MAP2: variants seen among roughly 807,000 people sequenced by gnomAD.
MAP2 encodes the protein microtubule associated protein 2, also known as microtubule-associated protein 2.
A neutral mutation model predicts 137.6 loss-of-function variants in MAP2; 14 were observed. That is an observed-to-expected ratio of 0.10 (90% confidence interval 0.07 to 0.16). The LOEUF is 0.16. Among genes scored for constraint, MAP2 ranks in the 10% least tolerant of loss-of-function variants. MAP2 has a pLI of 1.00. For missense variants in MAP2, 2,088 were observed against 2,191.5 expected (o/e 0.95, Z 0.94); for synonymous variants, 786 against 782.3 (o/e 1.00, Z -0.08).
chr2:209,527,538 C>G (rs1267027313), intron 2 of MAP2, among the ~76,000 whole-genome samples: 2 of 152,164 alleles, frequency 1.3e-5, no homozygotes, highest in Non-Finnish European at 2.9e-5. Flanking sequence ...TCCCATCCCA[C>G]TAGCAGCTTT....
At chr2:209,727,730 A>G (rs1436174775) in intron 14 of MAP2, among the ~76,000 whole-genome samples, 2 of 152,216 alleles carry the variant, frequency 1.3e-5, no homozygotes, top group South Asian at 2.1e-4. Context: ...CTTGACAAAG[A>G]TAATAGTCTT....
intron 11 of MAP2, among the ~76,000 whole-genome samples, chr2:209,701,902 G>T (rs1045176678): frequency 6.6e-6 from 1 of 152,004 alleles, no homozygotes; most frequent in African/African-American, 2.4e-5. Flanking sequence ...ACATCTATTA[G>T]TTATATGATC....
intron 7 of MAP2, among the ~76,000 whole-genome samples, chr2:209,686,554 T>C (rs1236042977): frequency 2.0e-5 from 3 of 152,174 alleles, no homozygotes; most frequent in Non-Finnish European, 2.9e-5. Context: ...TATCTCAATA[T>C]AAGTAAATAA....
intron 3 of MAP2, among the ~76,000 whole-genome samples, chr2:209,615,785 G>A (rs554305947): frequency 6.6e-5 from 10 of 152,228 alleles, no homozygotes; most frequent in East Asian, 5.8e-4. Flanking sequence ...TGTTTAGTGC[G>A]CTTTCCTCTG....
intron 4 of MAP2, among the ~76,000 whole-genome samples, chr2:209,640,424 A>G (rs1660111039): frequency 6.6e-6 from 1 of 152,132 alleles, no homozygotes; most frequent in Non-Finnish European, 1.5e-5. Context: ...CTTAGTAGTC[A>G]TACATTCCAG....
chr2:209,646,300 G>A (rs1039906980), intron 4 of MAP2, among the ~76,000 whole-genome samples: 3 of 151,716 alleles, frequency 2.0e-5, no homozygotes, highest in African/African-American at 2.4e-5. Flanking sequence ...TTTTTTGCAC[G>A]AGGCAATCAC....
chr2:209,537,615 C>T (rs1285361443), intron 2 of MAP2, among the ~76,000 whole-genome samples: 1 of 152,130 alleles, frequency 6.6e-6, no homozygotes, highest in Non-Finnish European at 1.5e-5. Context: ...TGTATTACAG[C>T]CTTCATCATC....
At chr2:209,659,520 G>C (rs1398590597) in intron 5 of MAP2, among the ~76,000 whole-genome samples, 3 of 152,096 alleles carry the variant, frequency 2.0e-5, no homozygotes, top group Admixed American at 2.0e-4. Context: ...TCGATTACAG[G>C]CAAAGCAGAC....
At chr2:209,729,767 A>T (rs2075398769) in intron 14 of MAP2, 83 bp from the exon 15 acceptor site, 2 of 820,466 alleles carry the variant, frequency 2.4e-6, no homozygotes, top group Non-Finnish European at 4.1e-6. Flanking sequence ...GGTTTGCCGT[A>T]GTCTATCTAC....
intron 12 of MAP2, 49 bp from the exon 13 acceptor site, chr2:209,709,862 TGAG>T: frequency 7.6e-7 from 1 of 1,316,138 alleles, no homozygotes; most frequent in South Asian, 1.3e-5. Flanking sequence ...AGGGATGTTT[TGAG>T]GAGAATTGTC....
At chr2:209,563,350 T>A (rs1230328110) in intron 2 of MAP2, among the ~76,000 whole-genome samples, 1 of 151,968 alleles carries the variant, frequency 6.6e-6, no homozygotes, top group East Asian at 1.9e-4. Context: ...GTTTTTGTCA[T>A]TAAAAGTAAC....
Position 209,694,661 on chromosome 2 carries a change from A to C in MAP2, c.2491A>C (p.Arg831=). ...SVSADAEVAR[R]KSVPSETVVE... ...GAGTGCAGATGCTGAGGTTGCCAGG[A>C]GGAAATCAGTCCCATCAGAGACTGT... Residue 831 remains arginine, a synonymous_variant, in exon 8 of 16, where the codon AGG becomes CGG. Coordinates refer to ENST00000682079, the MANE Select transcript of MAP2 (RefSeq NM_001375505.1). 1 of 1,614,148 alleles carries C rather than the reference A, an allele frequency of 6.2e-7. No homozygotes were observed.
At chr2:209,507,914 G>A (rs2061267237) in intron 2 of MAP2, among the ~76,000 whole-genome samples, 2 of 151,826 alleles carry the variant, frequency 1.3e-5, no homozygotes, top group South Asian at 2.1e-4. Flanking sequence ...AATCCAACTC[G>A]AATTCATTTG....
intron 3 of MAP2, among the ~76,000 whole-genome samples, chr2:209,586,248 A>G (rs1485153107): frequency 6.6e-6 from 1 of 152,124 alleles, no homozygotes; most frequent in Non-Finnish European, 1.5e-5. Flanking sequence ...AGGGGCAGGT[A>G]GAGAGGGGTG....
chr2:209,645,425 T>C (rs1266258384), intron 4 of MAP2, among the ~76,000 whole-genome samples: 3 of 151,964 alleles, frequency 2.0e-5, no homozygotes. Flanking sequence ...TAAAAAGTAT[T>C]CCAAGGAAGA....
intron 3 of MAP2, among the ~76,000 whole-genome samples, chr2:209,600,656 T>C (rs1389042292): frequency 6.6e-6 from 1 of 152,184 alleles, no homozygotes; most frequent in Non-Finnish European, 1.5e-5. Context: ...TACATAGATG[T>C]TATCTTTTGT....
At chr2:209,621,295 G>A (rs1479128154) in intron 3 of MAP2, among the ~76,000 whole-genome samples, 1 of 139,456 alleles carries the variant, frequency 7.2e-6, no homozygotes, top group Non-Finnish European at 1.5e-5. Flanking sequence ...GTCTTGCTGT[G>A]TCACCCAGGC....
chr2:209,542,588 G>A (rs1339530284), intron 2 of MAP2, among the ~76,000 whole-genome samples: 1 of 152,224 alleles, frequency 6.6e-6, no homozygotes, highest in Non-Finnish European at 1.5e-5. Flanking sequence ...ATTGTGTAGT[G>A]TAGCTGTCTT....
chr2:209,728,004 C>T (rs571629820), intron 14 of MAP2, among the ~76,000 whole-genome samples: 2 of 152,196 alleles, frequency 1.3e-5, no homozygotes, highest in South Asian at 4.1e-4. Flanking sequence ...TGTGGTAGTG[C>T]ACACCTGTAG....
Sources: gnomAD v4.1 joint callset for allele counts (sites outside exome capture counted in the v4.1 genomes callset) on GRCh38, gnomAD v4.1.1 for gene constraint, MANE v1.5 for transcripts, NCBI Gene and HGNC (gene_info 2026-07-23, HGNC 2026-07-21) for gene names.